Variants in CTDSPL2 observed in about 807,000 individuals in gnomAD.
The protein encoded by CTDSPL2 is CTD small phosphatase-like protein 2.
CTDSPL2 carries 5 observed loss-of-function variants against 60.0 expected under a neutral mutation model. That is an observed-to-expected ratio of 0.08 (90% CI 0.04 to 0.18). The LOEUF is 0.18. Ranked by LOEUF, CTDSPL2 falls within the 10% of genes least tolerant of loss-of-function variation. The pLI is 1.00. For missense variants in CTDSPL2, 370 were observed against 548.8 expected, an observed-to-expected ratio of 0.67 and a Z score of 3.26; for synonymous variants, 186 against 189.3, an observed-to-expected ratio of 0.98 and a Z score of 0.14.
At chr15:44,465,738 G>C (rs944615962) in intron 2 of CTDSPL2, among the ~76,000 whole-genome samples, 3 of 141,430 alleles carry the variant, frequency 2.1e-5, no homozygotes, top group African/African-American at 8.0e-5. Flanking sequence ...TTTTTGGATG[G>C]AGTCTTGCTC....
intron 2 of CTDSPL2, among the ~76,000 whole-genome samples, chr15:44,482,146 C>T (rs1410977217): frequency 6.6e-6 from 1 of 152,138 alleles, no homozygotes; most frequent in Non-Finnish European, 1.5e-5. Flanking sequence ...CTCTGGTGGT[C>T]CCAGTCGTTG....
intron 8 of CTDSPL2, among the ~76,000 whole-genome samples, chr15:44,512,600 G>A (rs1341679285): frequency 6.6e-6 from 1 of 152,174 alleles, no homozygotes; most frequent in Non-Finnish European, 1.5e-5. Context: ...TACCAAAGAA[G>A]GTGTGTGTGG....
In CTDSPL2 at chr15:44,499,656, T is replaced by G. The variant is rs77236958; in HGVS notation, c.883-71T>G. 1,240 of 857,198 alleles carry G rather than the reference T, an allele frequency of 1.4e-3. 16 individuals carry two copies. In the African/African-American group the frequency reaches 0.019, roughly 13 times the overall value. 53.1% of individuals were successfully genotyped at this position (857,198 alleles called of 1,614,324 possible). A position where few individuals can be genotyped will look rare whatever the true frequency, so the allele number is the denominator to read the frequency against. Reference sequence around the variant, plus strand: ...ATGGGTGCTTTAGTGTTTTGGTGATTAAGGATAAAAGTATCCTTTGAAGTT... The same window carrying G: ...ATGGGTGCTTTAGTGTTTTGGTGATGAAGGATAAAAGTATCCTTTGAAGTT... On this transcript the variant is annotated intron_variant, in intron 7 of 12. Coordinates refer to ENST00000260327, the MANE Select transcript of CTDSPL2 (RefSeq NM_016396.3).
rs764238056 is a variant in CTDSPL2 at position 44,506,412 on chromosome 15, C to CTTTTTTTTTTTTTTT, written c.969+6606_969+6620dup. ...TAAGCTTCATTTTATCCTACTTTGA[C>CTTTTTTTTTTTTTTT]TTTTTTTTTTTTTTTTTTTTTGGAG... On this transcript the variant is annotated intron_variant, in intron 8 of 12. Transcript: ENST00000260327. Among the ~76,000 whole-genome samples, 20 of 112,388 alleles carry CTTTTTTTTTTTTTTT rather than the reference C, an allele frequency of 1.8e-4. 2 individuals carry two copies. In the East Asian group the frequency reaches 2.7e-3, roughly 15 times the overall value. 73.7% of individuals were successfully genotyped at this position (112,388 alleles called of 152,430 possible). A position where few individuals can be genotyped will look rare whatever the true frequency, so the allele number is the denominator to read the frequency against.
chr15:44,443,190 T>A (rs896104879), intron 1 of CTDSPL2, among the ~76,000 whole-genome samples: 7 of 152,238 alleles, frequency 4.6e-5, no homozygotes, highest in Non-Finnish European at 1.0e-4. Flanking sequence ...AAACGGAAAC[T>A]CTGTGTTCAT....
chr15:44,486,730 A>G, intron 4 of CTDSPL2, 30 bp downstream of exon 4: 1 of 1,247,416 alleles, frequency 8.0e-7, no homozygotes, highest in Non-Finnish European at 1.1e-6. Flanking sequence ...TGTGATTTGG[A>G]TTTTTTTTAA....
intron 1 of CTDSPL2, among the ~76,000 whole-genome samples, chr15:44,428,509 A>T (rs146243222): frequency 6.6e-6 from 1 of 152,234 alleles, no homozygotes; most frequent in Non-Finnish European, 1.5e-5. Context: ...TTTACTTCTC[A>T]CCCTAGTGGT....
At chr15:44,476,131 C>T (rs1037431067) in intron 2 of CTDSPL2, among the ~76,000 whole-genome samples, 7 of 152,074 alleles carry the variant, frequency 4.6e-5, no homozygotes, top group South Asian at 2.1e-4. Flanking sequence ...TGCAGTGGCA[C>T]GATCTCGGCT....
intron 1 of CTDSPL2, among the ~76,000 whole-genome samples, chr15:44,458,121 C>CT (rs1461876802): frequency 6.6e-6 from 1 of 152,018 alleles, no homozygotes; most frequent in Non-Finnish European, 1.5e-5. Flanking sequence ...TTTACTAGTC[C>CT]TTTTTTCATT....
chr15:44,509,614 T>C (rs922615393), intron 8 of CTDSPL2, among the ~76,000 whole-genome samples: 2 of 152,158 alleles, frequency 1.3e-5, no homozygotes, highest in Non-Finnish European at 2.9e-5. Flanking sequence ...CATCAAGTAT[T>C]ATTCATATCA....
intron 2 of CTDSPL2, among the ~76,000 whole-genome samples, chr15:44,461,092 TATATGAC>T: frequency 6.6e-6 from 1 of 152,224 alleles, no homozygotes; most frequent in East Asian, 1.9e-4. Context: ...TAGTTTTCCT[TATATGAC>T]ATATGATATT....
At chr15:44,502,284 C>T (rs1297708689) in intron 8 of CTDSPL2, among the ~76,000 whole-genome samples, 1 of 151,794 alleles carries the variant, frequency 6.6e-6, no homozygotes, top group Non-Finnish European at 1.5e-5. Context: ...ATGTAAAGAT[C>T]AAATTTTTCA....
rs2080511606 is a variant in CTDSPL2 at position 44,459,238 on chromosome 15, TGAAAATTGGCCGGGCAC to T, written c.186+40_186+56del. On this transcript the variant is annotated intron_variant, in intron 2 of 12. Transcript: ENST00000260327. ...CCATATACTTTCATATCATTAAAAG[TGAAAATTGGCCGGGCAC>T]GGTGGCTCACGCCTGTAATCCCAGC... is the stretch of plus-strand genomic sequence containing the variant. 3 of 1,504,506 alleles carry T rather than the reference TGAAAATTGGCCGGGCAC, an allele frequency of 2.0e-6. No individual in the cohort carries two copies. The East Asian group carries it at 7.4e-5, about 37-fold the overall frequency. The allele number at this position is 1,504,506 out of a possible 1,614,324, so 93.2% of individuals were successfully genotyped here. A position where few individuals can be genotyped will look rare whatever the true frequency, so the allele number is the denominator to read the frequency against.
At chr15:44,437,690 G>A (rs1430069206) in intron 1 of CTDSPL2, among the ~76,000 whole-genome samples, 1 of 152,026 alleles carries the variant, frequency 6.6e-6, no homozygotes, top group African/African-American at 2.4e-5. Flanking sequence ...CGTGTGCCAG[G>A]TTACTAGAAT....
chr15:44,432,858 A>G lies in CTDSPL2; in HGVS notation c.-25+5086A>G, dbSNP rs373304802. Reference sequence around the variant, plus strand: ...CTGGTCTCGAACTGCTGACCTCAGGATGATCCACCTGCCTCGGTCTCCCAA... The same window carrying G: ...CTGGTCTCGAACTGCTGACCTCAGGGTGATCCACCTGCCTCGGTCTCCCAA... On this transcript the variant is annotated intron_variant, in intron 1 of 12. Transcript: ENST00000260327. Among the ~76,000 whole-genome samples, 64 of 151,532 alleles carry G rather than the reference A, an allele frequency of 4.2e-4. No homozygotes were observed. In the East Asian group the frequency reaches 0.011, roughly 26 times the overall value.
intron 2 of CTDSPL2, among the ~76,000 whole-genome samples, chr15:44,475,331 C>T (rs115626105): frequency 2.7e-4 from 41 of 152,172 alleles, no homozygotes; most frequent in African/African-American, 8.7e-4. Flanking sequence ...TCAACCAATG[C>T]AGTGTGATAA....
chr15:44,502,816 G>GT (rs1434712941), intron 8 of CTDSPL2, among the ~76,000 whole-genome samples: 1 of 152,062 alleles, frequency 6.6e-6, no homozygotes, highest in Admixed American at 6.6e-5. Context: ...GGCCTTTAAA[G>GT]TTTTTTTAAA....
At chr15:44,453,008 G>A (rs1056340326) in intron 1 of CTDSPL2, among the ~76,000 whole-genome samples, 1 of 151,938 alleles carries the variant, frequency 6.6e-6, no homozygotes, top group African/African-American at 2.4e-5. Context: ...TTTGGTAGAC[G>A]GCAAGTTTTT....
intron 2 of CTDSPL2, among the ~76,000 whole-genome samples, chr15:44,468,759 T>C (rs183394270): frequency 1.3e-5 from 2 of 152,280 alleles, no homozygotes; most frequent in Admixed American, 1.3e-4. Context: ...TGTTCCATAG[T>C]TTTAGTTACC....
Sources: allele counts gnomAD v4.1 joint callset (sites outside exome capture counted in the v4.1 genomes callset), GRCh38; gene constraint gnomAD v4.1.1; transcripts MANE v1.5; gene names NCBI Gene and HGNC (gene_info 2026-07-23, HGNC 2026-07-21).